Variants in POLA1 observed in about 807,000 individuals in gnomAD.
POLA1 encodes DNA polymerase alpha catalytic subunit.
Under a neutral mutation model 124.0 loss-of-function variants are expected in POLA1, and 15 were observed. The observed-to-expected ratio is 0.12, with a 90% CI of 0.08 to 0.19. The LOEUF is 0.19. Ranked by LOEUF, POLA1 falls within the 10% of genes least tolerant of loss-of-function variation. POLA1 has a pLI of 1.00. For synonymous variants in POLA1, 408 were observed against 389.4 expected (o/e 1.05, Z -0.56); for missense variants, 886 against 1,103.4 (o/e 0.80, Z 2.79).
At chrX:24,781,393 A>G (rs768518034) in intron 26 of POLA1, among the ~76,000 whole-genome samples, 36 of 111,644 alleles carry the variant, frequency 3.2e-4, no homozygotes, top group Admixed American at 1.5e-3. Flanking sequence ...TGAAGATGGC[A>G]TCTCTGGGTT....
chrX:24,834,176 G>A (rs1029654923), intron 32 of POLA1, among the ~76,000 whole-genome samples: 2 of 109,064 alleles, frequency 1.8e-5, no homozygotes, highest in East Asian at 2.9e-4. Context: ...TACACATCTC[G>A]TTAAGTTAAA....
intron 36 of POLA1, among the ~76,000 whole-genome samples, chrX:24,941,993 C>A (rs2047913199): frequency 8.9e-6 from 1 of 112,278 alleles, no homozygotes; most frequent in African/African-American, 3.2e-5. Context: ...CTGTTACTCT[C>A]TGTCCCCTCT....
At chrX:24,987,096 C>T (rs762883525) in intron 36 of POLA1, among the ~76,000 whole-genome samples, 1 of 112,162 alleles carries the variant, frequency 8.9e-6, no homozygotes, top group African/African-American at 3.2e-5. Flanking sequence ...TGAGCATTCT[C>T]ACTCTCTCAC....
Position 24,930,543 on chromosome X carries a change from G to A in POLA1, c.4255G>A (p.Glu1419Lys). ...CALEKLTTDHEKDKLKKQFFT... is the reference protein window; with the variant it reads ...CALEKLTTDHKKDKLKKQFFT... ...ACTGGAGAAACTTACTACCGATCAT[G>A]AGAAAGGTACGTTAAAATACTGTAA... Residue 1419 changes from glutamate to lysine, a missense_variant, in exon 36 of 37, where the codon GAG becomes AAG. Physicochemically the swap from Glu to Lys is moderately conservative, Grantham distance 56. Coordinates refer to ENST00000379068, the MANE Select transcript of POLA1 (RefSeq NM_001330360.2). 8.8e-7 allele frequency: 1 copy of A among 1,136,171 alleles called. No individual in the cohort carries two copies. The highest frequency in any genetic ancestry group is 1.8e-5 in the African/African-American group (1 of 56,502). 93.6% of individuals were successfully genotyped at this position (1,136,171 alleles called of 1,213,427 possible).
At chrX:24,818,753 A>T (rs1218304976) in intron 30 of POLA1, among the ~76,000 whole-genome samples, 1 of 112,445 alleles carries the variant, frequency 8.9e-6, no homozygotes, top group Non-Finnish European at 1.9e-5. Context: ...ATAGCTATAT[A>T]TTTCAAAACA....
At chrX:24,870,611 A>G (rs1386231533) in intron 34 of POLA1, among the ~76,000 whole-genome samples, 1 of 111,785 alleles carries the variant, frequency 8.9e-6, no homozygotes, top group African/African-American at 3.3e-5. Context: ...TTATGCAGCC[A>G]TGTCAAATTC....
At chrX:24,812,922 T>C in intron 29 of POLA1, 59 bp downstream of exon 29, 1 of 672,533 alleles carries the variant, frequency 1.5e-6, no homozygotes. Context: ...CAGGTGTGAA[T>C]GATGTAGAGA....
chrX:24,811,262 T>C (rs967322269), intron 28 of POLA1, among the ~76,000 whole-genome samples: 2 of 108,353 alleles, frequency 1.8e-5, no homozygotes, highest in African/African-American at 3.4e-5. Context: ...TTTTTTTTTT[T>C]CGTCTTGTTT....
chrX:24,713,723 T>C (rs906840235), intron 4 of POLA1, among the ~76,000 whole-genome samples: 1 of 112,692 alleles, frequency 8.9e-6, no homozygotes, highest in African/African-American at 3.2e-5. Context: ...CCAGCAAAAG[T>C]TGTTCTTTAA....
chrX:24,908,240 G>A (rs886163363), intron 35 of POLA1, among the ~76,000 whole-genome samples: 3 of 110,175 alleles, frequency 2.7e-5, no homozygotes, highest in African/African-American at 3.3e-5. Flanking sequence ...TTTTACTTTC[G>A]TGTAATTTCT....
intron 31 of POLA1, among the ~76,000 whole-genome samples, chrX:24,821,991 A>T (rs2046095038): frequency 9.0e-6 from 1 of 111,590 alleles, no homozygotes; most frequent in Admixed American, 9.5e-5. Flanking sequence ...TATACGGAGA[A>T]GTTGAGAGAT....
At chrX:24,829,271 G>A (rs527251780) in intron 32 of POLA1, among the ~76,000 whole-genome samples, 1 of 111,391 alleles carries the variant, frequency 9.0e-6, no homozygotes, top group Non-Finnish European at 1.9e-5. Context: ...ATGTGTCCTC[G>A]GCCTTGAGGG....
At chrX:24,870,486 G>C (rs2046850326) in intron 34 of POLA1, among the ~76,000 whole-genome samples, 2 of 111,828 alleles carry the variant, frequency 1.8e-5, no homozygotes, top group Non-Finnish European at 3.8e-5. Flanking sequence ...GGCCTTCTGA[G>C]AGTGTTCCCA....
chrX:24,718,707 G>A (rs182025040), intron 10 of POLA1, among the ~76,000 whole-genome samples: 4 of 100,599 alleles, frequency 4.0e-5, no homozygotes, highest in East Asian at 2.8e-4. Flanking sequence ...GCATGTGTGC[G>A]TGTGCACACA....
At chrX:24,833,444 A>G (rs1335445675) in intron 32 of POLA1, among the ~76,000 whole-genome samples, 2 of 112,087 alleles carry the variant, frequency 1.8e-5, no homozygotes, top group Non-Finnish European at 3.8e-5. Flanking sequence ...TCAAATGGTA[A>G]TTCTACTTCT....
chrX:24,969,311 T>G (rs765898638), intron 36 of POLA1, among the ~76,000 whole-genome samples: 4 of 111,081 alleles, frequency 3.6e-5, no homozygotes, highest in Non-Finnish European at 5.7e-5. Context: ...CTCCCACTTA[T>G]AACAGTGTGC....
intron 34 of POLA1, among the ~76,000 whole-genome samples, chrX:24,868,970 C>T (rs2046830395): frequency 8.9e-6 from 1 of 112,248 alleles, no homozygotes; most frequent in South Asian, 3.7e-4. Context: ...AGGTCTCACT[C>T]TGTCACCCAG....
rs139080714 is a variant in POLA1 at position 24,705,437 on chromosome X, G to A, written c.346+968G>A. The stretch of plus-strand genomic sequence containing the variant: ...TGCAGAATAATATTTTGCACCATTA[G>A]TTTTCTCTCTCCTTCCAACCACATA... On this transcript the variant is annotated intron_variant, in intron 4 of 36. Coordinates refer to ENST00000379068, the MANE Select transcript of POLA1 (RefSeq NM_001330360.2). 1.3e-4 allele frequency among the ~76,000 whole-genome samples: 15 copies of A among 111,601 alleles called. No individual in the cohort carries two copies. In the East Asian group the frequency reaches 3.3e-3, roughly 25 times the overall value.
intron 34 of POLA1, among the ~76,000 whole-genome samples, chrX:24,849,474 A>G (rs1220059699): frequency 1.8e-5 from 2 of 111,261 alleles, no homozygotes; most frequent in African/African-American, 3.3e-5. Flanking sequence ...TTCCTTTTTT[A>G]TTGTTAATTT....
Sources: gnomAD v4.1 joint callset for allele counts (sites outside exome capture counted in the v4.1 genomes callset) on GRCh38, gnomAD v4.1.1 for gene constraint, MANE v1.5 for transcripts, NCBI Gene and HGNC (gene_info 2026-07-23, HGNC 2026-07-21) for gene names.